Variants in PLK1 observed in about 807,000 individuals in gnomAD.
PLK1 encodes the protein polo like kinase 1, also known as serine/threonine-protein kinase PLK1.
Under a neutral mutation model 56.7 loss-of-function variants are expected in PLK1, and 6 were observed. That is an observed-to-expected ratio of 0.11 (90% confidence interval 0.06 to 0.21). The LOEUF (loss-of-function observed/expected upper bound fraction) is 0.21, where lower values mean the gene tolerates loss of function less well. PLK1 is among the 10% of genes least tolerant of loss of function. The pLI, the probability that PLK1 is intolerant of heterozygous loss-of-function variation, is 1.00. For missense variants in PLK1, 546 were observed against 814.4 expected, an observed-to-expected ratio of 0.67 and a Z score of 4.01; for synonymous variants, 298 against 325.0, an observed-to-expected ratio of 0.92 and a Z score of 0.89.
At position 23,683,861 on chromosome 16, in the gene PLK1, C is replaced by G. The variant is rs1255394347; in HGVS notation, c.817-9C>G. The G allele has an allele frequency of 6.2e-7, 1 of 1,609,614 alleles. No individual in the cohort carries two copies. Among genetic ancestry groups the G allele is most frequent in the Non-Finnish European group, 8.5e-7 (1 of 1,175,902 alleles). On this transcript the variant is annotated splice_polypyrimidine_tract_variant and intron_variant, in intron 4 of 9. Coordinates refer to ENST00000300093, the MANE Select transcript of PLK1 (RefSeq NM_005030.6). ...ATTCTGCTTATGGCTGTCCCTCTCT[C>G]TGCCCCAGCACATCAACCCCGTGGC...
chr16:23,683,975 G>T lies in PLK1; in HGVS notation c.922G>T (p.Gly308Cys), dbSNP rs761337968. The T allele has an allele frequency of 6.2e-7, 1 of 1,614,058 alleles. No individual in the cohort carries two copies. The highest frequency in any genetic ancestry group is 1.1e-5 in the South Asian group (1 of 91,078). ...GCTTAATGACGAGTTCTTTACTTCT[G>T]GCTATATCCCTGCCCGTCTCCCCAT... ...ELLNDEFFTSGYIPARLPITC... is the reference protein window; with the variant it reads ...ELLNDEFFTSCYIPARLPITC... The change falls in exon 5 of 10, where the codon GGC (glycine) becomes TGC (cysteine). Residue 308 changes from glycine to cysteine, a missense_variant. Gly to Cys is a radical substitution (Grantham distance 159). This residue lies in a region of PLK1 where 157 missense variants were observed against 184.0 expected (regional missense o/e 0.85). Coordinates refer to ENST00000300093, the MANE Select transcript of PLK1 (RefSeq NM_005030.6).
chr16:23,687,741 A>T (rs748806278), intron 6 of PLK1, 117 bp downstream of exon 6: 8 of 651,310 alleles, frequency 1.2e-5, no homozygotes, highest in Non-Finnish European at 1.9e-5. Context: ...GCATAGGACC[A>T]TTGGTTTCCC....
Position 23,690,300 on chromosome 16 carries a change from A to G in PLK1, c.*237A>G. 1 of 588,430 alleles carries G rather than the reference A, an allele frequency of 1.7e-6. No individual in the cohort carries two copies. Among genetic ancestry groups the G allele is most frequent in the Non-Finnish European group, 3.0e-6 (1 of 327,906 alleles). 36.5% of individuals were successfully genotyped at this position (588,430 alleles called of 1,614,324 possible). On this transcript the variant is annotated 3_prime_UTR_variant, in exon 10 of 10. Coordinates refer to ENST00000300093, the MANE Select transcript of PLK1 (RefSeq NM_005030.6). ...CAACCCCACCATATGAATTGTACAG[A>G]ATATTTCTATTGAATTCGGAACTGT...
rs1290386708 is a variant in PLK1 at position 23,678,945 on chromosome 16, G to A, written c.13G>A (p.Val5Met). The stretch of plus-strand genomic sequence containing the variant: ...CAGCTTCGGGAGCATGAGTGCTGCA[G>A]TGACTGCAGGGAAGCTGGCACGGGC... MSAA[V>M]TAGKLARAPA... is the part of the protein sequence containing the mutation. Residue 5 changes from valine (V) to methionine (M), a missense_variant, in exon 1 of 10, where the codon GTG becomes ATG. Coordinates refer to ENST00000300093, the MANE Select transcript of PLK1 (RefSeq NM_005030.6). The A allele has an allele frequency of 6.4e-7, 1 of 1,558,844 alleles. No homozygotes were observed. The highest frequency in any genetic ancestry group is 2.4e-5 in the East Asian group (1 of 42,404).
chr16:23,684,115 G>A (rs1364658481), intron 5 of PLK1, 26 bp downstream of exon 5: 4 of 1,568,662 alleles, frequency 2.5e-6, no homozygotes, highest in Admixed American at 1.7e-5. Context: ...GGGTAAGAGA[G>A]CAGACCCCCC....
rs1187901305 is a variant in PLK1, at chr16:23,689,666, A to G, written c.1598A>G (p.Asn533Ser). 1.7e-5 allele frequency: 27 copies of G among 1,602,430 alleles called. No homozygotes were observed. The highest frequency in any genetic ancestry group is 2.2e-5 in the Non-Finnish European group (26 of 1,173,932). ...CTCAGCAACGGCAGCGTGCAGATCAACTTCTTCCAGGTGAGCTGGAGGTCA... is the reference window on the plus strand; with the variant it reads ...CTCAGCAACGGCAGCGTGCAGATCAGCTTCTTCCAGGTGAGCTGGAGGTCA... ...LHLSNGSVQI[N>S]FFQDHTKLIL... is the part of the protein sequence containing the mutation. Residue 533 changes from asparagine to serine, a missense_variant, in exon 9 of 10, where the codon AAC becomes AGC. Around this residue, in one of 7 missense-constraint regions of PLK1, gnomAD observed 113 missense variants for 202.0 expected, o/e 0.56. Transcript: ENST00000300093. The surrounding 1 kb of genome is among the most constrained non-coding windows in gnomAD (Gnocchi z 4.8).
In PLK1 at chr16:23,689,459, C is replaced by CT. The variant is rs750783913; in HGVS notation, c.1426-34dup. 15 of 1,599,886 alleles carry CT rather than the reference C, an allele frequency of 9.4e-6. 1 individual carries two copies. Among genetic ancestry groups the CT allele is most frequent in the South Asian group, 7.7e-5 (7 of 90,684 alleles). On this transcript the variant is annotated intron_variant, in intron 8 of 9. Coordinates refer to ENST00000300093, the MANE Select transcript of PLK1 (RefSeq NM_005030.6). This position sits in a 1 kb window ranked among gnomAD's most constrained non-coding sequence, Gnocchi z 4.8. ...GGGACCTGTGCTGGAGGATCAGACT[C>CT]TAATTCTGGAACCCCTTACCTACTT...
At chr16:23,679,918 A>G (rs1460344096) in intron 1 of PLK1, 166 bp from the exon 2 acceptor site, 2 of 580,614 alleles carry the variant, frequency 3.4e-6, no homozygotes, top group Non-Finnish European at 6.2e-6. Flanking sequence ...TGGAGAAGGA[A>G]TGGGGTGGGG....
chr16:23,683,534 G>A (rs1959374407), intron 4 of PLK1, among the ~76,000 whole-genome samples: 1 of 152,068 alleles, frequency 6.6e-6, no homozygotes, highest in African/African-American at 2.4e-5. Context: ...CCTCCTCTGT[G>A]AAAAAGGGAT....
chr16:23,679,236 A>G lies in PLK1; in HGVS notation c.304A>G (p.Ile102Val). 1 of 1,614,128 alleles carries G rather than the reference A, an allele frequency of 6.2e-7. No homozygotes were observed. The highest frequency in any genetic ancestry group is 8.5e-7 in the Non-Finnish European group (1 of 1,180,030). Residue 102 changes from isoleucine to valine, a missense_variant, in exon 1 of 10, where the codon ATA (isoleucine) becomes GTA (valine). By Grantham distance (29) the Ile-to-Val change is conservative. This residue lies in a region of PLK1 where 111 missense variants were observed against 211.8 expected (regional missense o/e 0.52). Coordinates refer to ENST00000300093, the MANE Select transcript of PLK1 (RefSeq NM_005030.6). ...CCAGAGGGAGAAGATGTCCATGGAA[A>G]TATCCATTCACCGCAGCCTCGCCCA... ...PHQREKMSME[I>V]SIHRSLAHQH...
At chr16:23,681,113 A>T (rs1401006900) in intron 3 of PLK1, 55 bp downstream of exon 3, 68 of 1,521,824 alleles carry the variant, frequency 4.5e-5, no homozygotes, top group Non-Finnish European at 6.1e-5. Flanking sequence ...CAACTTTGGG[A>T]CATCCTACCT....
chr16:23,680,733 G>T (rs1465430451), intron 2 of PLK1, among the ~76,000 whole-genome samples, 181 bp from the exon 3 acceptor site: 1 of 152,180 alleles, frequency 6.6e-6, no homozygotes, highest in East Asian at 1.9e-4. Flanking sequence ...GTCACTGGAG[G>T]CACCTCCCTG....
intron 4 of PLK1, 98 bp from the exon 5 acceptor site, chr16:23,683,772 G>GCTGCATGTGGGCTGGGGAC: frequency 1.1e-6 from 1 of 871,074 alleles, no homozygotes; most frequent in Non-Finnish European, 1.9e-6. Flanking sequence ...GAGACTGGGG[G>GCTGCATGTGGGCTGGGGAC]CTGCATGTGG....
At chr16:23,687,386 G>T (rs1268099714) in intron 5 of PLK1, 83 bp from the exon 6 acceptor site, 2 of 1,201,338 alleles carry the variant, frequency 1.7e-6, no homozygotes, top group East Asian at 2.7e-5. Flanking sequence ...GTAGCTAAGA[G>T]AATTTTTCTT....
At position 23,689,913 on chromosome 16, in the gene PLK1, C is replaced by T. The variant is rs34436002; in HGVS notation, c.1662C>T (p.Asp554=). The T allele has an allele frequency of 1.8e-5, 29 of 1,614,012 alleles. No homozygotes were observed. The highest frequency in any genetic ancestry group is 2.2e-5 in the East Asian group (1 of 44,900). Residue 554 remains aspartate (D), a synonymous_variant, in exon 10 of 10, where the codon GAC becomes GAT. Transcript: ENST00000300093. The surrounding 1 kb of genome is among the most constrained non-coding windows in gnomAD (Gnocchi z 4.8). ...TGATGGCAGCCGTGACCTACATCGA[C>T]GAGAAGCGGGACTTCCGCACATACC... The part of the protein sequence containing the change: ...CPLMAAVTYI[D]EKRDFRTYRL...
chr16:23,682,669 C>G (rs914453863), intron 4 of PLK1, among the ~76,000 whole-genome samples: 1 of 151,610 alleles, frequency 6.6e-6, no homozygotes, highest in African/African-American at 2.4e-5. Context: ...ATTACAGGCA[C>G]CCACCACCTC....
In PLK1 at chr16:23,683,916, C is replaced by T. The variant is rs1311497324; in HGVS notation, c.863C>T (p.Thr288Ile). The T allele has an allele frequency of 4.3e-6, 7 of 1,614,156 alleles. No individual in the cohort carries two copies. Among genetic ancestry groups the T allele is most frequent in the Admixed American group, 3.3e-5 (2 of 60,024 alleles). The part of the protein sequence containing the change: ...AASLIQKMLQ[T>I]DPTARPTINE... ...TCCCTCATCCAGAAGATGCTTCAGA[C>T]AGATCCCACTGCCCGCCCAACCATT... Residue 288 changes from threonine (T) to isoleucine (I), a missense_variant, in exon 5 of 10, where the codon ACA becomes ATA. Thr to Ile is a moderately conservative substitution (Grantham distance 89). Coordinates refer to ENST00000300093, the MANE Select transcript of PLK1 (RefSeq NM_005030.6).
intron 1 of PLK1, 172 bp from the exon 2 acceptor site, chr16:23,679,912 G>A (rs2140997377): frequency 1.7e-6 from 1 of 579,974 alleles, no homozygotes; most frequent in African/African-American, 1.9e-5. Context: ...CTGTGCTGGA[G>A]AAGGAATGGG....
chr16:23,689,539 C>A lies in PLK1; in HGVS notation c.1471C>A (p.Leu491Met). Residue 491 changes from leucine (L) to methionine (M), a missense_variant, in exon 9 of 10, where the codon CTG (leucine) becomes ATG (methionine). By Grantham distance (15) the Leu-to-Met change is conservative. This residue lies in a region of PLK1 where 113 missense variants were observed against 202.0 expected (regional missense o/e 0.56). Coordinates refer to ENST00000300093, the MANE Select transcript of PLK1 (RefSeq NM_005030.6). This position sits in a 1 kb window ranked among gnomAD's most constrained non-coding sequence, Gnocchi z 4.8. ...YFRNYMSEHLLKAGANITPRE... is the reference protein window; with the variant it reads ...YFRNYMSEHLMKAGANITPRE... ...CCGCAATTACATGAGCGAGCACTTG[C>A]TGAAGGCAGGTGCCAACATCACGCC... The A allele has an allele frequency of 6.2e-7, 1 of 1,613,514 alleles. No homozygotes were observed. The highest frequency in any genetic ancestry group is 1.1e-5 in the South Asian group (1 of 91,084).
Sources: gnomAD v4.1 joint callset for allele counts (sites outside exome capture counted in the v4.1 genomes callset) on GRCh38, gnomAD v4.1.1 for gene constraint, gnomAD v4.1.1 regional missense constraint, Gnocchi (gnomAD v3.1) non-coding constraint, MANE v1.5 for transcripts, NCBI Gene and HGNC (gene_info 2026-07-23, HGNC 2026-07-21) for gene names.